KMT2C: variants seen among roughly 807,000 people sequenced by gnomAD.
KMT2C encodes histone-lysine N-methyltransferase 2C.
In KMT2C, 88 loss-of-function variants were observed where a neutral mutation model predicts 507.9. The ratio of observed to expected loss-of-function variants is 0.17; its 90% CI spans 0.15 to 0.21. The LOEUF (loss-of-function observed/expected upper bound fraction) is 0.21. KMT2C is among the 10% of genes least tolerant of loss of function. The probability of loss-of-function intolerance (pLI) is 1.00; values close to 1 mark genes in which losing one functional copy is unlikely to be tolerated. For synonymous variants in KMT2C, 2,049 were observed against 2,080.8 expected, an observed-to-expected ratio of 0.98 and a Z score of 0.42; for missense variants, 4,954 against 5,957.8, an observed-to-expected ratio of 0.83 and a Z score of 5.55.
chr7:152,346,572 G>C (rs116609149), intron 2 of KMT2C, among the ~76,000 whole-genome samples: 2,879 of 152,240 alleles, frequency 0.019, 88 homozygotes, highest in African/African-American at 0.066. Context: ...TGCAGTGAAA[G>C]CAGTGCTTAG....
At chr7:152,430,593 G>A (rs946755493) in intron 1 of KMT2C, among the ~76,000 whole-genome samples, 14 of 152,196 alleles carry the variant, frequency 9.2e-5, no homozygotes, top group African/African-American at 3.4e-4. Flanking sequence ...GTAGTGGTGT[G>A]ATGTCCGTTC....
intron 37 of KMT2C, among the ~76,000 whole-genome samples, chr7:152,178,953 G>A (rs569206081): frequency 2.0e-5 from 3 of 152,108 alleles, no homozygotes; most frequent in Admixed American, 1.3e-4. Flanking sequence ...GTTCCTAAAG[G>A]GAAAGTCCTT....
intron 31 of KMT2C, among the ~76,000 whole-genome samples, chr7:152,191,673 G>T (rs1186548994): frequency 6.6e-6 from 1 of 152,174 alleles, no homozygotes; most frequent in Non-Finnish European, 1.5e-5. Context: ...AGCCTCTAGG[G>T]AAAAGGCTAG....
At position 152,381,374 on chromosome 7, in the gene KMT2C, G is replaced by A. The variant is rs530081500; in HGVS notation, c.162-22699C>T. Among the ~76,000 whole-genome samples, 330 of 152,180 alleles carry A rather than the reference G, an allele frequency of 2.2e-3. 2 individuals carry two copies. Among genetic ancestry groups the A allele is most frequent in the African/African-American group, 7.6e-3 (317 of 41,516 alleles). On this transcript the variant is annotated intron_variant, in intron 1 of 58. Transcript: ENST00000262189. ...GGGGCAGGGAGGGGGGGAGGGGTGC[G>A]GGTGTGCTACTATATCTAGCGGGTG...
chr7:152,385,611 C>CAAAAAAAAAAAAAA lies in KMT2C; in HGVS notation c.162-26950_162-26937dup, dbSNP rs1160527130. ...TGGGCGACAGAGCGAGACTCCGTCT[C>CAAAAAAAAAAAAAA]AAAAAAAAAAAAAAAAAAAAAAAAA... On this transcript the variant is annotated intron_variant, in intron 1 of 58. Transcript: ENST00000262189. 4.1e-4 allele frequency among the ~76,000 whole-genome samples: 8 copies of CAAAAAAAAAAAAAA among 19,442 alleles called. 1 individual carries two copies. Among genetic ancestry groups the CAAAAAAAAAAAAAA allele is most frequent in the Non-Finnish European group, 5.0e-4 (7 of 13,908 alleles). 12.8% of individuals were successfully genotyped at this position (19,442 alleles called of 152,430 possible).
In KMT2C at chr7:152,135,066, C is replaced by CA. The variant is rs2089769628; in HGVS notation, c.*1765dup. 4.4e-6 allele frequency: 1 copy of CA among 229,240 alleles called. No homozygotes were observed. The highest frequency in any genetic ancestry group is 1.8e-4 in the South Asian group (1 of 5,478). 14.2% of individuals were successfully genotyped at this position (229,240 alleles called of 1,614,324 possible). On this transcript the variant is annotated 3_prime_UTR_variant, in exon 59 of 59. Coordinates refer to ENST00000262189, the MANE Select transcript of KMT2C (RefSeq NM_170606.3). Reference sequence around the variant, plus strand: ...TACTATTATACAGAACAGAAAACAACAAAAACCCGGTAGGACAAATACTGG... The same window carrying CA: ...TACTATTATACAGAACAGAAAACAACAAAAAACCCGGTAGGACAAATACTGG...
At chr7:152,422,284 T>TAAA (rs11423616) in intron 1 of KMT2C, among the ~76,000 whole-genome samples, 1 of 97,394 alleles carries the variant, frequency 1.0e-5, no homozygotes. Flanking sequence ...CAGTCTCTAC[T>TAAA]AAAAAAAAAA....
chr7:152,404,631 C>CAAAAAAAAAAAAAAAAAAAA (rs68171347), intron 1 of KMT2C, among the ~76,000 whole-genome samples: 8 of 66,142 alleles, frequency 1.2e-4, no homozygotes, highest in Non-Finnish European at 3.3e-5. Context: ...ACTCAGGTCT[C>CAAAAAAAAAAAAAAAAAAAA]AAAAAAAAAA....
At chr7:152,342,688 G>A (rs1054978088) in intron 2 of KMT2C, among the ~76,000 whole-genome samples, 1 of 152,188 alleles carries the variant, frequency 6.6e-6, no homozygotes, top group Non-Finnish European at 1.5e-5. Flanking sequence ...AAACTACAGA[G>A]GGACCCAGTC....
chr7:152,141,758 C>T (rs1319390196), intron 55 of KMT2C, among the ~76,000 whole-genome samples: 1 of 150,642 alleles, frequency 6.6e-6, no homozygotes, highest in Non-Finnish European at 1.5e-5. Flanking sequence ...GGGGCTCATG[C>T]CTGTAATCCC....
chr7:152,148,930 G>A lies in KMT2C; in HGVS notation c.12997C>T (p.Pro4333Ser). 1 of 1,612,082 alleles carries A rather than the reference G, an allele frequency of 6.2e-7. No individual in the cohort carries two copies. The highest frequency in any genetic ancestry group is 8.5e-7 in the Non-Finnish European group (1 of 1,179,020). Residue 4333 changes from proline (P) to serine (S), a missense_variant, in exon 52 of 59, where the codon CCT becomes TCT. This residue lies in a region of KMT2C where 417 missense variants were observed against 461.1 expected (regional missense o/e 0.90). Transcript: ENST00000262189. The surrounding 1 kb of genome is among the most constrained non-coding windows in gnomAD (Gnocchi z 7.1). ...DELKVTVKLK[P>S]RLRAVHGGFE... ...CCACCATGGACAGCTCTTAGCCGAG[G>A]CTTCAGCTTGACTGTCACCTTCAGC...
intron 23 of KMT2C, among the ~76,000 whole-genome samples, chr7:152,214,010 C>T (rs1466695047): frequency 1.3e-5 from 2 of 151,968 alleles, no homozygotes; most frequent in African/African-American, 4.8e-5. Flanking sequence ...AAAATTAAAA[C>T]CACAATAGAT....
intron 6 of KMT2C, among the ~76,000 whole-genome samples, chr7:152,296,815 G>A (rs1051779564): frequency 6.6e-6 from 1 of 151,408 alleles, no homozygotes; most frequent in South Asian, 2.1e-4. Context: ...CCGGATTATC[G>A]GATTTACGCT....
At chr7:152,364,609 C>CAAAAAAAAAAAAAAAAAA (rs568794506) in intron 1 of KMT2C, among the ~76,000 whole-genome samples, 9 of 90,830 alleles carry the variant, frequency 9.9e-5, no homozygotes, top group African/African-American at 3.9e-4. Context: ...ACTCCGTCTC[C>CAAAAAAAAAAAAAAAAAA]AAAAAAAAAA....
At chr7:152,314,678 T>C (rs2096707101) in intron 4 of KMT2C, among the ~76,000 whole-genome samples, 2 of 152,182 alleles carry the variant, frequency 1.3e-5, no homozygotes, top group Non-Finnish European at 2.9e-5. Context: ...GATTGATGAA[T>C]GAATGACACA....
chr7:152,411,909 A>G (rs2097688601), intron 1 of KMT2C, among the ~76,000 whole-genome samples: 2 of 152,260 alleles, frequency 1.3e-5, no homozygotes, highest in Non-Finnish European at 2.9e-5. Flanking sequence ...TCTGGCCAGG[A>G]AGTCAAAACT....
At chr7:152,171,642 T>C in intron 39 of KMT2C, among the ~76,000 whole-genome samples, 1 of 152,254 alleles carries the variant, frequency 6.6e-6, no homozygotes, top group South Asian at 2.1e-4. Flanking sequence ...CCAGCTAGGC[T>C]GACTCTAGAG....
Position 152,311,908 on chromosome 7 carries a change from C to G in KMT2C, c.629G>C (p.Ser210Thr). ...SPQQNIVSCV[S>T]VSTQTASDDQ... The stretch of plus-strand genomic sequence containing the variant: ...ATCTGAAGCTGTCTGGGTGCTTACA[C>G]TTACACAAGATACTATATTCTGCTG... Residue 210 changes from serine to threonine, a missense_variant, in exon 5 of 59, where the codon AGT becomes ACT. Physicochemically the swap from Ser to Thr is moderately conservative, Grantham distance 58 (BLOSUM62 1). Around this residue, in one of 29 missense-constraint regions of KMT2C, gnomAD observed 233 missense variants for 263.6 expected, o/e 0.88. Coordinates refer to ENST00000262189, the MANE Select transcript of KMT2C (RefSeq NM_170606.3). The G allele has an allele frequency of 6.2e-7, 1 of 1,610,106 alleles. No homozygotes were observed. Among genetic ancestry groups the G allele is most frequent in the South Asian group, 1.1e-5 (1 of 90,696 alleles).
intron 34 of KMT2C, among the ~76,000 whole-genome samples, chr7:152,184,912 AC>A (rs1449210044): frequency 1.3e-5 from 2 of 152,116 alleles, no homozygotes; most frequent in African/African-American, 2.4e-5. Flanking sequence ...GCGCCATCAT[AC>A]CCAGCTAATT....
Sources: gnomAD v4.1 joint callset for allele counts (sites outside exome capture counted in the v4.1 genomes callset) on GRCh38, gnomAD v4.1.1 for gene constraint, gnomAD v4.1.1 regional missense constraint, Gnocchi (gnomAD v3.1) non-coding constraint, MANE v1.5 for transcripts, NCBI Gene and HGNC (gene_info 2026-07-23, HGNC 2026-07-21) for gene names.